Variants in SIPA1L3 observed in about 807,000 individuals in gnomAD.
SIPA1L3 encodes the protein signal induced proliferation associated 1 like 3.
Under a neutral mutation model 150.1 loss-of-function variants are expected in SIPA1L3, and 59 were observed. The observed-to-expected ratio is 0.39, with a 90% CI of 0.32 to 0.49. The LOEUF is 0.49. Among genes scored for constraint, SIPA1L3 ranks in the 20% least tolerant of loss-of-function variants. The pLI is 0.86. For synonymous variants in SIPA1L3, 1,070 were observed against 1,077.6 expected, an observed-to-expected ratio of 0.99 and a Z score of 0.14; for missense variants, 2,211 against 2,489.5, an observed-to-expected ratio of 0.89 and a Z score of 2.38.
chr19:38,190,070 CAT>C (rs1422782233), intron 16 of SIPA1L3, among the ~76,000 whole-genome samples: 5 of 152,002 alleles, frequency 3.3e-5, no homozygotes, highest in Non-Finnish European at 5.9e-5. Flanking sequence ...ACTGTGGACT[CAT>C]GTGAGCCTTT....
At chr19:38,087,227 T>G (rs1970153631) in intron 3 of SIPA1L3, among the ~76,000 whole-genome samples, 1 of 152,184 alleles carries the variant, frequency 6.6e-6, no homozygotes, top group East Asian at 1.9e-4. Context: ...TATGCTAGGA[T>G]TCGCAAGGAG....
rs564763137 is a variant in SIPA1L3 at position 38,152,463 on chromosome 19, G to A, written c.3534-377G>A. ...TGTCTCCATCAGAGCAAGGCAGCCC[G>A]AGAGAGGCCTGGGGCAGTAGCTGCT... On this transcript the variant is annotated intron_variant, in intron 12 of 21. Transcript: ENST00000222345. Among the ~76,000 whole-genome samples, 138 of 151,472 alleles carry A rather than the reference G, an allele frequency of 9.1e-4. 1 individual carries two copies. The highest frequency in any genetic ancestry group is 3.1e-3 in the African/African-American group (128 of 40,778).
At chr19:38,038,467 G>A (rs1212835820) in intron 2 of SIPA1L3, among the ~76,000 whole-genome samples, 1 of 151,784 alleles carries the variant, frequency 6.6e-6, no homozygotes, top group Admixed American at 6.6e-5. Flanking sequence ...GTGGGCGCCT[G>A]TAATCCCAGC....
chr19:38,195,086 T>G (rs1455734725), intron 18 of SIPA1L3, among the ~76,000 whole-genome samples: 6 of 151,512 alleles, frequency 4.0e-5, no homozygotes, highest in Non-Finnish European at 7.4e-5. Flanking sequence ...CTCCGTTGCC[T>G]TGGCATTTGC....
chr19:38,092,973 C>A (rs1970295589), intron 4 of SIPA1L3, among the ~76,000 whole-genome samples: 1 of 151,740 alleles, frequency 6.6e-6, no homozygotes, highest in South Asian at 2.1e-4. Flanking sequence ...CATTCTCCTG[C>A]CTCAGCCTCC....
intron 2 of SIPA1L3, among the ~76,000 whole-genome samples, chr19:38,060,735 A>G (rs1018742738): frequency 6.6e-6 from 1 of 152,206 alleles, no homozygotes; most frequent in Non-Finnish European, 1.5e-5. Context: ...CTTGTTGCCC[A>G]GGCTGGAGTG....
intron 1 of SIPA1L3, among the ~76,000 whole-genome samples, chr19:37,978,261 T>TGGACA (rs1361422366): frequency 6.6e-6 from 1 of 152,184 alleles, no homozygotes; most frequent in Admixed American, 6.5e-5. Context: ...ATCTATTATG[T>TGGACA]GGACAGTTGG....
chr19:37,972,168 AGTGTGTGTGTGTGTGTGT>A (rs34744094), intron 1 of SIPA1L3, among the ~76,000 whole-genome samples: 1 of 145,042 alleles, frequency 6.9e-6, no homozygotes, highest in African/African-American at 2.6e-5. Flanking sequence ...AGAGATACCT[AGTGTGTGTGTGTGTGTGT>A]GTGTGTGTGT....
intron 1 of SIPA1L3, among the ~76,000 whole-genome samples, chr19:38,000,063 C>T (rs1967745540): frequency 6.6e-6 from 1 of 152,196 alleles, no homozygotes; most frequent in East Asian, 1.9e-4. Context: ...AAATTAGATA[C>T]TGTTTTTTAA....
In SIPA1L3 at chr19:38,098,897, A is replaced by G. The variant is rs570296349; in HGVS notation, c.1666-1065A>G. 2.0e-5 allele frequency among the ~76,000 whole-genome samples: 3 copies of G among 152,348 alleles called. No individual in the cohort carries two copies. In the East Asian group the frequency reaches 5.8e-4, roughly 29 times the overall value. ...AAATATGCCATGTATGCAAACATGCATGTCTGGCCCCATCCCAGACCAACC... is the reference window on the plus strand; with the variant it reads ...AAATATGCCATGTATGCAAACATGCGTGTCTGGCCCCATCCCAGACCAACC... On this transcript the variant is annotated intron_variant, in intron 4 of 21. Coordinates refer to ENST00000222345, the MANE Select transcript of SIPA1L3 (RefSeq NM_015073.3).
intron 1 of SIPA1L3, among the ~76,000 whole-genome samples, chr19:37,993,400 C>T (rs963090163): frequency 2.0e-4 from 30 of 152,052 alleles, no homozygotes; most frequent in Non-Finnish European, 8.8e-5. Context: ...GGCGCGATCT[C>T]GGCTCACTGC....
chr19:38,204,828 C>T (rs1973172968), intron 21 of SIPA1L3, among the ~76,000 whole-genome samples: 1 of 152,114 alleles, frequency 6.6e-6, no homozygotes, highest in Non-Finnish European at 1.5e-5. Flanking sequence ...TCCGTGACAG[C>T]ATGGGTACAA....
intron 1 of SIPA1L3, among the ~76,000 whole-genome samples, chr19:37,958,027 A>G (rs1333091984): frequency 6.6e-6 from 1 of 152,128 alleles, no homozygotes; most frequent in Non-Finnish European, 1.5e-5. Flanking sequence ...AAAGTATCTT[A>G]TTTAGTGGAG....
intron 3 of SIPA1L3, among the ~76,000 whole-genome samples, chr19:38,086,411 C>T (rs2145833395): frequency 6.6e-6 from 1 of 152,220 alleles, no homozygotes; most frequent in East Asian, 1.9e-4. Flanking sequence ...TCTGGCCAAG[C>T]ACAAGGGCTC....
At chr19:38,013,039 G>C (rs552936822) in intron 1 of SIPA1L3, among the ~76,000 whole-genome samples, 142 of 152,276 alleles carry the variant, frequency 9.3e-4, no homozygotes, top group African/African-American at 2.9e-3. Context: ...TTGGGCATCT[G>C]GGGGACTCTA....
At chr19:38,202,056 A>T in intron 20 of SIPA1L3, 59 bp downstream of exon 20, 1 of 1,513,592 alleles carries the variant, frequency 6.6e-7, no homozygotes, top group African/African-American at 1.4e-5. Context: ...GCAGTGGAAG[A>T]GGCTTACCCA....
chr19:38,202,123 C>A (rs916913303), intron 20 of SIPA1L3, 126 bp downstream of exon 20: 60 of 855,488 alleles, frequency 7.0e-5, no homozygotes, highest in Middle Eastern at 2.5e-4. Context: ...GCTGATATAG[C>A]AGCTACTCCC....
intron 9 of SIPA1L3, among the ~76,000 whole-genome samples, chr19:38,128,694 C>G (rs919933679): frequency 2.6e-5 from 4 of 152,024 alleles, no homozygotes; most frequent in African/African-American, 9.7e-5. Context: ...GTCAGGAGTT[C>G]GAGACCAGCC....
At chr19:38,189,787 T>G (rs1972765746) in intron 16 of SIPA1L3, among the ~76,000 whole-genome samples, 1 of 152,044 alleles carries the variant, frequency 6.6e-6, no homozygotes, top group Non-Finnish European at 1.5e-5. Context: ...AAAAAGAAAG[T>G]GAATCCCACA....
Sources: allele counts gnomAD v4.1 joint callset (sites outside exome capture counted in the v4.1 genomes callset), GRCh38; gene constraint gnomAD v4.1.1; transcripts MANE v1.5; gene names NCBI Gene and HGNC (gene_info 2026-07-23, HGNC 2026-07-21).